The following CPNE2 variants were observed in gnomAD, a reference collection of about 807,000 sequenced individuals.
The protein encoded by CPNE2 is copine-2.
CPNE2 carries 42 observed loss-of-function variants against 69.7 expected under a neutral mutation model. The ratio of observed to expected loss-of-function variants is 0.60; its 90% CI spans 0.47 to 0.78. CPNE2 has a LOEUF of 0.78. Among genes scored for constraint, CPNE2 ranks in the 30% least tolerant of loss-of-function variants. CPNE2 has a pLI of 0.00. For missense variants in CPNE2, 587 were observed against 732.0 expected, an observed-to-expected ratio of 0.80 and a Z score of 2.29; for synonymous variants, 294 against 289.8, an observed-to-expected ratio of 1.01 and a Z score of -0.15.
At position 57,115,443 on chromosome 16, in the gene CPNE2, C is replaced by G. The variant is rs535037978; in HGVS notation, c.361-33C>G. 1.9e-6 allele frequency: 3 copies of G among 1,558,176 alleles called. No homozygotes were observed. In the East Asian group the frequency reaches 6.9e-5, roughly 36 times the overall value. ...TTCCTTCCCGGGCTTCCCCCGCTTC[C>G]TCACTGAGCGCCCTTTCTCCTCTCT... On this transcript the variant is annotated intron_variant, in intron 3 of 15. Coordinates refer to ENST00000290776, the MANE Select transcript of CPNE2 (RefSeq NM_152727.6).
intron 10 of CPNE2, chr16:57,125,354 G>A (rs1445901178): frequency 2.2e-6 from 1 of 456,112 alleles, no homozygotes; most frequent in East Asian, 6.9e-5. Context: ...GCTCTACCAG[G>A]CAACCCCAGG....
In CPNE2 at chr16:57,130,216, T is replaced by TA. The variant is rs2069827911; in HGVS notation, c.1116+2318dup. On this transcript the variant is annotated intron_variant, in intron 12 of 15. Coordinates refer to ENST00000290776, the MANE Select transcript of CPNE2 (RefSeq NM_152727.6). This position sits in a 1 kb window ranked among gnomAD's most constrained non-coding sequence, Gnocchi z 4.1. Reference sequence around the variant, plus strand: ...CAACATGGTGAAACCCCGTCTCTACTAAAAATACAAAAATTAGCTAGGTGT... The same window carrying TA: ...CAACATGGTGAAACCCCGTCTCTACTAAAAAATACAAAAATTAGCTAGGTGT... Among the ~76,000 whole-genome samples the TA allele has an allele frequency of 6.6e-6, 1 of 151,862 alleles. No individual in the cohort carries two copies. The highest frequency in any genetic ancestry group is 2.1e-4 in the South Asian group (1 of 4,812).
chr16:57,112,700 G>A (rs1429945543), intron 2 of CPNE2: 1 of 152,198 alleles, frequency 6.6e-6, no homozygotes, highest in Non-Finnish European at 1.5e-5. Context: ...ACAGTAGGTG[G>A]GGTGTTGGGC....
At position 57,110,788 on chromosome 16, in the gene CPNE2, C is replaced by T. The variant is rs778916267; in HGVS notation, c.46C>T (p.Pro16Ser). ...GGGTGCCCCAGCAGCGGGGGCAGCC[C>T]CCATGGGCCCCCAGTATTGCGTGTG... ...SGGAPAAGAA[P>S]MGPQYCVCKV... Residue 16 changes from proline to serine, a missense_variant, in exon 2 of 16, where the codon CCC (proline) becomes TCC (serine). This residue lies in a region of CPNE2 where 96 missense variants were observed against 94.9 expected (regional missense o/e 1.01). Coordinates refer to ENST00000290776, the MANE Select transcript of CPNE2 (RefSeq NM_152727.6). The T allele has an allele frequency of 1.2e-6, 2 of 1,613,596 alleles. No individual in the cohort carries two copies. Among genetic ancestry groups the T allele is most frequent in the Admixed American group, 1.7e-5 (1 of 59,990 alleles).
intron 1 of CPNE2, among the ~76,000 whole-genome samples, chr16:57,105,339 A>T (rs187317819): frequency 6.6e-6 from 1 of 152,296 alleles, no homozygotes; most frequent in East Asian, 1.9e-4. Flanking sequence ...CCTGTGGCTC[A>T]GCACCAATGT....
chr16:57,102,094 C>T (rs1669408355), intron 1 of CPNE2, among the ~76,000 whole-genome samples: 1 of 151,822 alleles, frequency 6.6e-6, no homozygotes, highest in Non-Finnish European at 1.5e-5. Context: ...ACTACAGGCA[C>T]ATGCCACCAT....
chr16:57,097,713 C>G (rs1302441788), intron 1 of CPNE2, among the ~76,000 whole-genome samples: 2 of 152,174 alleles, frequency 1.3e-5, no homozygotes, highest in Non-Finnish European at 2.9e-5. Flanking sequence ...GACCTCACAT[C>G]CTCCACCTCC....
intron 12 of CPNE2, among the ~76,000 whole-genome samples, chr16:57,128,109 A>C (rs1029617222): frequency 1.6e-4 from 25 of 152,208 alleles, no homozygotes; most frequent in African/African-American, 6.0e-4. Context: ...TTCTCTGTTT[A>C]TGAGACCCAT....
At chr16:57,135,664 A>G (rs1457237452) in intron 13 of CPNE2, among the ~76,000 whole-genome samples, 1 of 151,758 alleles carries the variant, frequency 6.6e-6, no homozygotes, top group African/African-American at 2.4e-5. Flanking sequence ...ATCAGAGGTC[A>G]GGAGTTCAAG....
intron 4 of CPNE2, among the ~76,000 whole-genome samples, chr16:57,115,945 C>T (rs1477668315): frequency 6.6e-6 from 1 of 152,254 alleles, no homozygotes; most frequent in Non-Finnish European, 1.5e-5. Context: ...CGGATGAGCT[C>T]CTTGGTCTTC....
At chr16:57,118,358 A>AGAGACGGGGTTTCACTATG (rs2069735799) in intron 5 of CPNE2, among the ~76,000 whole-genome samples, 1 of 121,828 alleles carries the variant, frequency 8.2e-6, no homozygotes, top group Non-Finnish European at 1.8e-5. Context: ...TACTTTTAGT[A>AGAGACGGGGTTTCACTATG]GAGACGGGGT....
chr16:57,121,870 T>A, intron 9 of CPNE2, 110 bp downstream of exon 9: 9 of 996,164 alleles, frequency 9.0e-6, no homozygotes, highest in Non-Finnish European at 1.4e-5. Flanking sequence ...AAATCCCGGC[T>A]CTGCCACATC....
chr16:57,136,110 ACT>A (rs143674752), intron 13 of CPNE2, among the ~76,000 whole-genome samples: 3,968 of 151,356 alleles, frequency 0.026, 258 homozygotes, highest in East Asian at 0.23. Context: ...GAGGAAGAAA[ACT>A]CTGAGTGGAG....
At chr16:57,128,165 A>G (rs2069813710) in intron 12 of CPNE2, among the ~76,000 whole-genome samples, 2 of 152,190 alleles carry the variant, frequency 1.3e-5, no homozygotes, top group South Asian at 4.1e-4. Flanking sequence ...CGCAAATCAA[A>G]ATACAAGACA....
At chr16:57,113,633 G>A (rs2069696600) in intron 3 of CPNE2, among the ~76,000 whole-genome samples, 166 bp downstream of exon 3, 2 of 152,262 alleles carry the variant, frequency 1.3e-5, no homozygotes, top group African/African-American at 4.8e-5. Flanking sequence ...GGGCTGAAGA[G>A]CTCCCATCTG....
intron 1 of CPNE2, among the ~76,000 whole-genome samples, chr16:57,094,517 G>A (rs1473033727): frequency 6.6e-6 from 1 of 152,262 alleles, no homozygotes; most frequent in Non-Finnish European, 1.5e-5. Context: ...GACCCCATCT[G>A]GTCCTCCTCC....
chr16:57,139,896 A>G (rs2069909119), intron 14 of CPNE2, among the ~76,000 whole-genome samples: 1 of 152,160 alleles, frequency 6.6e-6, no homozygotes, highest in African/African-American at 2.4e-5. Flanking sequence ...GAAAACTAAT[A>G]GGATCAATCA....
chr16:57,131,473 G>A (rs1005803433), intron 12 of CPNE2, among the ~76,000 whole-genome samples: 25 of 152,378 alleles, frequency 1.6e-4, no homozygotes, highest in African/African-American at 6.0e-4. Context: ...CCATTCGGGG[G>A]GCAGGGCGAG....
chr16:57,123,196 G>A, intron 9 of CPNE2: 1 of 579,016 alleles, frequency 1.7e-6, no homozygotes, highest in Non-Finnish European at 3.1e-6. Context: ...GTGTATCTGT[G>A]GGGTGTGGGG....
Sources: gnomAD v4.1 joint callset for allele counts (sites outside exome capture counted in the v4.1 genomes callset) on GRCh38, gnomAD v4.1.1 for gene constraint, gnomAD v4.1.1 regional missense constraint, Gnocchi (gnomAD v3.1) non-coding constraint, MANE v1.5 for transcripts, NCBI Gene and HGNC (gene_info 2026-07-23, HGNC 2026-07-21) for gene names.